TRAPPC8: variants seen among roughly 807,000 people sequenced by gnomAD.
The protein encoded by TRAPPC8 is trafficking protein particle complex subunit 8, also known as general sporulation gene 1 homolog.
Under a neutral mutation model 174.3 loss-of-function variants are expected in TRAPPC8, and 54 were observed. The ratio of observed to expected loss-of-function variants is 0.31; its 90% CI spans 0.25 to 0.39. TRAPPC8 has a LOEUF of 0.39. Among genes scored for constraint, TRAPPC8 ranks in the 10% least tolerant of loss-of-function variants. The pLI is 1.00. For missense variants in TRAPPC8, 1,531 were observed against 1,699.1 expected (o/e 0.90, Z 1.74); for synonymous variants, 630 against 579.9 (o/e 1.09, Z -1.24).
chr18:31,873,363 G>C, intron 14 of TRAPPC8, 67 bp downstream of exon 14: 1 of 1,301,218 alleles, frequency 7.7e-7, no homozygotes, highest in Non-Finnish European at 1.1e-6. Context: ...TTTTTTAAAT[G>C]GAGAAAGGAA....
chr18:31,924,410 C>T (rs564882079), intron 2 of TRAPPC8, among the ~76,000 whole-genome samples: 45 of 150,418 alleles, frequency 3.0e-4, no homozygotes, highest in South Asian at 8.4e-4. Flanking sequence ...GCCAAGATCG[C>T]GCTAGTGCAC....
In TRAPPC8 at chr18:31,943,061, A is replaced by C. The variant is rs2038421465; in HGVS notation, c.-297T>G. On this transcript the variant is annotated 5_prime_UTR_variant, in exon 1 of 29. Transcript: ENST00000283351. ...ACCACTTAGTCCTTCGGACGGCAAA[A>C]CCTTGGTCACTGCCCGGCCGGAACC... 4.2e-6 allele frequency: 2 copies of C among 475,424 alleles called. No homozygotes were observed. The highest frequency in any genetic ancestry group is 6.8e-6 in the Non-Finnish European group (2 of 295,910). 29.5% of individuals were successfully genotyped at this position (475,424 alleles called of 1,614,324 possible).
intron 1 of TRAPPC8, among the ~76,000 whole-genome samples, chr18:31,938,289 GACT>G (rs2038190537): frequency 6.6e-6 from 1 of 151,748 alleles, no homozygotes; most frequent in Admixed American, 6.6e-5. Flanking sequence ...GTCAAACAAT[GACT>G]ACATTAACTC....
chr18:31,889,162 A>C (rs763307906), intron 12 of TRAPPC8, among the ~76,000 whole-genome samples: 16 of 152,202 alleles, frequency 1.1e-4, no homozygotes, highest in Non-Finnish European at 2.2e-4. Flanking sequence ...AGTGGTCATG[A>C]AATAGCAAAC....
rs1193231559 is a variant in TRAPPC8, at chr18:31,917,772, C to CTGTTTA, written c.353-106_353-105insTAAACA. The CTGTTTA allele has an allele frequency of 5.1e-4, 488 of 958,950 alleles. 5 individuals carry two copies. In the East Asian group the frequency reaches 0.011, roughly 22 times the overall value. The allele number at this position is 958,950 out of a possible 1,614,324, so 59.4% of individuals were successfully genotyped here. On this transcript the variant is annotated intron_variant, in intron 2 of 28. Transcript: ENST00000283351. ...CCTAAAAGGTATAAAAAAAAAATTT[C>CTGTTTA]TAACAGTAAACAAGCATTTTTCACC...
At chr18:31,898,023 G>A (rs2036255160) in intron 10 of TRAPPC8, 132 bp from the exon 11 acceptor site, 1 of 660,708 alleles carries the variant, frequency 1.5e-6, no homozygotes, top group Admixed American at 3.7e-5. Context: ...GGACCCTCCA[G>A]GATACTAAAA....
At chr18:31,899,752 C>G (rs1482870170) in intron 10 of TRAPPC8, among the ~76,000 whole-genome samples, 1 of 152,044 alleles carries the variant, frequency 6.6e-6, no homozygotes, top group East Asian at 1.9e-4. Flanking sequence ...TGAGACCAGC[C>G]TGGCCAAAAC....
chr18:31,901,590 A>G (rs2036428866), intron 9 of TRAPPC8, among the ~76,000 whole-genome samples: 1 of 152,244 alleles, frequency 6.6e-6, no homozygotes, highest in African/African-American at 2.4e-5. Context: ...GTTAGATCAG[A>G]TAAGATTTAG....
intron 8 of TRAPPC8, 70 bp from the exon 9 acceptor site, chr18:31,907,680 A>C (rs1192670668): frequency 5.4e-5 from 70 of 1,294,000 alleles, no homozygotes; most frequent in Admixed American, 1.3e-4. Context: ...AAATACATTA[A>C]CAAGCTGCCA....
intron 19 of TRAPPC8, among the ~76,000 whole-genome samples, chr18:31,858,968 C>CT (rs1282721518): frequency 1.3e-5 from 2 of 152,076 alleles, no homozygotes; most frequent in African/African-American, 4.8e-5. Context: ...AGCCGCACGC[C>CT]TGTGGTTCCA....
intron 12 of TRAPPC8, among the ~76,000 whole-genome samples, chr18:31,877,227 G>T (rs2035199906): frequency 6.6e-6 from 1 of 152,172 alleles, no homozygotes; most frequent in Non-Finnish European, 1.5e-5. Flanking sequence ...CCACTGTTGT[G>T]AACACAGGAG....
At position 31,931,438 on chromosome 18, in the gene TRAPPC8, C is replaced by A; in HGVS notation, c.243G>T (p.Gln81His). The A allele has an allele frequency of 6.2e-7, 1 of 1,613,468 alleles. No individual in the cohort carries two copies. Among genetic ancestry groups the A allele is most frequent in the Non-Finnish European group, 8.5e-7 (1 of 1,179,754 alleles). Reference sequence around the variant, plus strand: ...TCAAAAGCTTCCGGATGGCTCCAGGCTGAGGTGGCTGGGTGACAATGTTGC... The same window carrying A: ...TCAAAAGCTTCCGGATGGCTCCAGGATGAGGTGGCTGGGTGACAATGTTGC... ...AVSNIVTQPP[Q>H]PGAIRKLLND... Residue 81 changes from glutamine to histidine, a missense_variant, in exon 2 of 29, where the codon CAG becomes CAT. Coordinates refer to ENST00000283351, the MANE Select transcript of TRAPPC8 (RefSeq NM_014939.5).
At chr18:31,891,875 C>A (rs1465204668) in intron 11 of TRAPPC8, among the ~76,000 whole-genome samples, 1 of 152,158 alleles carries the variant, frequency 6.6e-6, no homozygotes, top group Non-Finnish European at 1.5e-5. Context: ...AGAGCTGAAA[C>A]AGACTCGAGG....
intron 1 of TRAPPC8, chr18:31,937,762 G>A (rs1485816512): frequency 6.6e-6 from 1 of 152,004 alleles, no homozygotes; most frequent in Non-Finnish European, 1.5e-5. Context: ...GGAGTACAGT[G>A]GCAAAATCTT....
intron 18 of TRAPPC8, among the ~76,000 whole-genome samples, chr18:31,865,377 G>C (rs918208584): frequency 6.6e-6 from 1 of 151,990 alleles, no homozygotes; most frequent in Non-Finnish European, 1.5e-5. Context: ...AAAAAAGCTA[G>C]AGTATACAAC....
rs2037848382 is a variant in TRAPPC8, at chr18:31,931,605, C to A, written c.158-82G>T. The A allele has an allele frequency of 6.4e-6, 7 of 1,094,458 alleles. No homozygotes were observed. The South Asian group carries it at 1.2e-4, about 19-fold the overall frequency. The allele number at this position is 1,094,458 out of a possible 1,614,324, so 67.8% of individuals were successfully genotyped here. On this transcript the variant is annotated intron_variant, in intron 1 of 28. Coordinates refer to ENST00000283351, the MANE Select transcript of TRAPPC8 (RefSeq NM_014939.5). ...CAAAATTGGGCTGATGGTTTACAAA[C>A]AAAAAGGATGTACAAAGCAGAAGCC...
chr18:31,929,173 C>T (rs1273288085), intron 2 of TRAPPC8, among the ~76,000 whole-genome samples: 2 of 148,520 alleles, frequency 1.3e-5, no homozygotes, highest in Non-Finnish European at 3.0e-5. Flanking sequence ...CAGAGTGAGA[C>T]TCCGTCTCAA....
Position 31,908,423 on chromosome 18 carries a change from A to G in TRAPPC8, c.1123-5T>C. 6.6e-7 allele frequency: 1 copy of G among 1,526,500 alleles called. No individual in the cohort carries two copies. The highest frequency in any genetic ancestry group is 1.4e-5 in the African/African-American group (1 of 71,510). The allele number at this position is 1,526,500 out of a possible 1,614,324, so 94.6% of individuals were successfully genotyped here. On this transcript the variant is annotated splice_region_variant and splice_polypyrimidine_tract_variant and intron_variant, in intron 7 of 28. Coordinates refer to ENST00000283351, the MANE Select transcript of TRAPPC8 (RefSeq NM_014939.5). ...CAAACCTTTTCTTGATATTAGCTTT[A>G]AAAAAGAGATTAAATATGTTGACAA...
In TRAPPC8 at chr18:31,848,161, TACCAAACTTAATA is replaced by T. The variant is rs545809683; in HGVS notation, c.3736-1357_3736-1345del. Among the ~76,000 whole-genome samples the T allele has an allele frequency of 3.0e-3, 458 of 152,264 alleles. 4 individuals are homozygous for T. Among genetic ancestry groups the T allele is most frequent in the Non-Finnish European group, 2.8e-3 (193 of 68,008 alleles). ...ATAAACTTACCAGGGTACTAGCCAC[TACCAAACTTAATA>T]ACCCATTATTTAATGTATTCAAACT... On this transcript the variant is annotated intron_variant, in intron 25 of 28. Transcript: ENST00000283351.
Sources: gnomAD v4.1 joint callset for allele counts (sites outside exome capture counted in the v4.1 genomes callset) on GRCh38, gnomAD v4.1.1 for gene constraint, MANE v1.5 for transcripts, NCBI Gene and HGNC (gene_info 2026-07-23, HGNC 2026-07-21) for gene names.